Variants in IPO9 observed in about 807,000 individuals in gnomAD.
The protein encoded by IPO9 is importin 9.
IPO9 carries 28 observed loss-of-function variants against 128.6 expected under a neutral mutation model. That is an observed-to-expected ratio of 0.22 (90% CI 0.16 to 0.30). IPO9 has a LOEUF of 0.30. Among genes scored for constraint, IPO9 ranks in the 10% least tolerant of loss-of-function variants. The pLI is 1.00. For synonymous variants in IPO9, 455 were observed against 475.8 expected, an observed-to-expected ratio of 0.96 and a Z score of 0.57; for missense variants, 935 against 1,293.9, an observed-to-expected ratio of 0.72 and a Z score of 4.26.
chr1:201,857,034 T>G (rs1167089591), intron 10 of IPO9, 62 bp from the exon 11 acceptor site: 3 of 1,022,048 alleles, frequency 2.9e-6, no homozygotes, highest in Admixed American at 3.4e-5. Context: ...TTCCTGTATC[T>G]GTTGATGAAA....
At chr1:201,871,069 A>G (rs1680641915) in intron 18 of IPO9, 92 bp from the exon 19 acceptor site, 1 of 1,350,934 alleles carries the variant, frequency 7.4e-7, no homozygotes, top group South Asian at 1.3e-5. Flanking sequence ...CTCAGTGTAG[A>G]CTGTATTTCT....
At chr1:201,834,016 C>T (rs1436238989) in intron 1 of IPO9, among the ~76,000 whole-genome samples, 1 of 151,898 alleles carries the variant, frequency 6.6e-6, no homozygotes, top group Non-Finnish European at 1.5e-5. Flanking sequence ...TGAACTCCTG[C>T]CCTCAAGTGA....
chr1:201,846,955 C>CA (rs1190851084), intron 1 of IPO9, among the ~76,000 whole-genome samples: 2 of 152,210 alleles, frequency 1.3e-5, no homozygotes, highest in Non-Finnish European at 2.9e-5. Flanking sequence ...AGGCGTGAGC[C>CA]ACCACGCCAG....
intron 20 of IPO9, 75 bp downstream of exon 20, chr1:201,873,036 T>G: frequency 7.0e-7 from 1 of 1,435,054 alleles, no homozygotes; most frequent in Non-Finnish European, 9.3e-7. Flanking sequence ...AGGGAAGGAA[T>G]GCACTGTGGT....
rs994218926 is a variant in IPO9, at chr1:201,859,125, A to G, written c.1468+131A>G. 26 of 596,104 alleles carry G rather than the reference A, an allele frequency of 4.4e-5. No individual in the cohort carries two copies. The African/African-American group carries it at 4.5e-4, about 10-fold the overall frequency. 36.9% of individuals were successfully genotyped at this position (596,104 alleles called of 1,614,324 possible). ...TGGGTGCAGCACACCAACATGGCACATGTATACATATGTAACCTGCACATT... is the reference window on the plus strand; with the variant it reads ...TGGGTGCAGCACACCAACATGGCACGTGTATACATATGTAACCTGCACATT... On this transcript the variant is annotated intron_variant, in intron 13 of 23. Coordinates refer to ENST00000361565, the MANE Select transcript of IPO9 (RefSeq NM_018085.5).
intron 5 of IPO9, among the ~76,000 whole-genome samples, chr1:201,852,637 T>G (rs1680241954): frequency 6.6e-6 from 1 of 152,226 alleles, no homozygotes; most frequent in South Asian, 2.1e-4. Flanking sequence ...TATAAATACC[T>G]GATGGATAAT....
At chr1:201,861,298 G>A (rs374849157) in intron 13 of IPO9, among the ~76,000 whole-genome samples, 35 of 152,206 alleles carry the variant, frequency 2.3e-4, no homozygotes, top group African/African-American at 7.5e-4. Flanking sequence ...ACTTACAGTG[G>A]TTGGACTTAT....
intron 1 of IPO9, among the ~76,000 whole-genome samples, chr1:201,836,672 T>C (rs1679929857): frequency 6.6e-6 from 1 of 152,200 alleles, no homozygotes; most frequent in Non-Finnish European, 1.5e-5. Context: ...AAATGGTGAG[T>C]GATATCCTTG....
Position 201,847,536 on chromosome 1 carries a change from C to G in IPO9, c.226-16C>G. On this transcript the variant is annotated splice_polypyrimidine_tract_variant and intron_variant, in intron 2 of 23. Transcript: ENST00000361565. Reference sequence around the variant, plus strand: ...ATCTTTTTCTTGCTGTACTACTTGGCTTATTCTCTTCACAGCTGGCATCAG... The same window carrying G: ...ATCTTTTTCTTGCTGTACTACTTGGGTTATTCTCTTCACAGCTGGCATCAG... The G allele has an allele frequency of 6.2e-7, 1 of 1,608,782 alleles. No individual in the cohort carries two copies.
chr1:201,871,080 T>C (rs1680642110), intron 18 of IPO9, 81 bp from the exon 19 acceptor site: 6 of 1,418,690 alleles, frequency 4.2e-6, no homozygotes, highest in Non-Finnish European at 5.8e-6. Flanking sequence ...CTGTATTTCT[T>C]ATCTGACTGG....
chr1:201,856,377 T>C (rs1354412676), intron 10 of IPO9, among the ~76,000 whole-genome samples: 1 of 152,168 alleles, frequency 6.6e-6, no homozygotes, highest in African/African-American at 2.4e-5. Context: ...ACCATTAGCC[T>C]GATGGTGGGT....
At chr1:201,839,064 C>T (rs1214087571) in intron 1 of IPO9, among the ~76,000 whole-genome samples, 1 of 151,416 alleles carries the variant, frequency 6.6e-6, no homozygotes, top group African/African-American at 2.4e-5. Context: ...GGACTACAGG[C>T]GCCCGCCACC....
At chr1:201,845,065 G>A (rs1161679597) in intron 1 of IPO9, among the ~76,000 whole-genome samples, 1 of 152,090 alleles carries the variant, frequency 6.6e-6, no homozygotes, top group Non-Finnish European at 1.5e-5. Context: ...TGCCCAGGCT[G>A]GAGTGCAATG....
chr1:201,868,821 G>A, intron 16 of IPO9, 25 bp downstream of exon 16: 2 of 1,588,358 alleles, frequency 1.3e-6, no homozygotes, highest in Non-Finnish European at 1.7e-6. Context: ...GTGTGTGTGT[G>A]TGTGTGTGAG....
chr1:201,875,627 G>T lies in IPO9; in HGVS notation c.3016-317G>T, dbSNP rs1233070554. Among the ~76,000 whole-genome samples the T allele has an allele frequency of 3.9e-5, 6 of 152,202 alleles. No individual in the cohort carries two copies. In the East Asian group the frequency reaches 9.7e-4, roughly 24 times the overall value. On this transcript the variant is annotated intron_variant, in intron 23 of 23. Transcript: ENST00000361565. Reference sequence around the variant, plus strand: ...AAAATCCATTTATAATTTAACATGGGAGCCTCATGGGAAAGAGTTCCTGTC... The same window carrying T: ...AAAATCCATTTATAATTTAACATGGTAGCCTCATGGGAAAGAGTTCCTGTC...
intron 1 of IPO9, among the ~76,000 whole-genome samples, chr1:201,841,717 G>C (rs1360200530): frequency 6.6e-6 from 1 of 152,148 alleles, no homozygotes; most frequent in African/African-American, 2.4e-5. Context: ...GGAAGTGCTT[G>C]ATAAAGAATG....
chr1:201,870,714 C>A lies in IPO9; in HGVS notation c.2265C>A (p.Thr755=). 6.2e-7 allele frequency: 1 copy of A among 1,614,224 alleles called. No individual in the cohort carries two copies. The highest frequency in any genetic ancestry group is 8.5e-7 in the Non-Finnish European group (1 of 1,180,040). Residue 755 remains threonine, a synonymous_variant, in exon 18 of 24, where the codon ACC becomes ACA. Transcript: ENST00000361565. This position sits in a 1 kb window ranked among gnomAD's most constrained non-coding sequence, Gnocchi z 4.9. The part of the protein sequence containing the change: ...QVVSQLLDPR[T]SEFTAAFVGR... ...TGAGCCAGCTCCTGGACCCCCGCAC[C>A]TCAGAGTTCACTGCGGCCTTTGTGG... is the stretch of plus-strand genomic sequence containing the variant.
At chr1:201,874,761 G>A (rs1339669249) in intron 21 of IPO9, 71 bp from the exon 22 acceptor site, 1 of 1,051,854 alleles carries the variant, frequency 9.5e-7, no homozygotes, top group South Asian at 1.3e-5. Flanking sequence ...TTCTATTCTG[G>A]CCTATTTGGA....
chr1:201,871,445 G>T (rs1275278397), intron 19 of IPO9, 118 bp downstream of exon 19: 4 of 778,044 alleles, frequency 5.1e-6, no homozygotes, highest in Non-Finnish European at 7.4e-6. Flanking sequence ...GGAGTGCAGT[G>T]GCACAATCTT....
Sources: gnomAD v4.1 joint callset for allele counts (sites outside exome capture counted in the v4.1 genomes callset) on GRCh38, gnomAD v4.1.1 for gene constraint, Gnocchi (gnomAD v3.1) non-coding constraint, MANE v1.5 for transcripts, NCBI Gene and HGNC (gene_info 2026-07-23, HGNC 2026-07-21) for gene names.